BDNF: variants seen among roughly 807,000 people sequenced by gnomAD.
The protein encoded by BDNF is neurotrophic factor BDNF precursor form.
BDNF carries 1 observed loss-of-function variant against 19.5 expected under a neutral mutation model. The observed-to-expected ratio is 0.05, with a 90% confidence interval of 0.02 to 0.24. BDNF has a LOEUF of 0.24. BDNF is among the 10% of genes least tolerant of loss of function. The probability of loss-of-function intolerance (pLI) is 1.00; values close to 1 mark genes in which losing one functional copy is unlikely to be tolerated. For missense variants in BDNF, 195 were observed against 317.6 expected (o/e 0.61, Z 2.93); for synonymous variants, 100 against 121.6 (o/e 0.82, Z 1.17).
chr11:27,682,653 G>A (rs1856990632), intron 1 of BDNF, among the ~76,000 whole-genome samples: 1 of 152,068 alleles, frequency 6.6e-6, no homozygotes, highest in Non-Finnish European at 1.5e-5. Flanking sequence ...GTGAGAACAT[G>A]TGGTGTTTGG....
At chr11:27,720,311 T>C (rs1025219273) in intron 1 of BDNF, 3 of 985,068 alleles carry the variant, frequency 3.0e-6, no homozygotes, top group Non-Finnish European at 3.6e-6. Context: ...AGCTCAAGAA[T>C]TGGGGATGCA....
At chr11:27,699,465 T>C (rs1859632593) in intron 1 of BDNF, 1 of 1,613,922 alleles carries the variant, frequency 6.2e-7, no homozygotes, top group South Asian at 1.1e-5. Context: ...TCCCCGAAAG[T>C]CAAAACTCTT....
At chr11:27,662,573 G>T (rs1340152737) in intron 1 of BDNF, among the ~76,000 whole-genome samples, 1 of 152,186 alleles carries the variant, frequency 6.6e-6, no homozygotes, top group African/African-American at 2.4e-5. Context: ...CGGTCTGGGA[G>T]TAGCAGGGTG....
Position 27,658,028 on chromosome 11 carries a change from T to C in BDNF, c.537A>G (p.Gln179=), listed in dbSNP as rs943042675. Residue 179 remains glutamine (Q), a synonymous_variant, in exon 2 of 2, where the codon CAA becomes CAG. Coordinates refer to ENST00000356660, the MANE Select transcript of BDNF (RefSeq NM_001709.5). The surrounding 1 kb of genome is among the most constrained non-coding windows in gnomAD (Gnocchi z 5.7). The stretch of plus-strand genomic sequence containing the variant: ...GATTGCACTTGGTCTCGTAGAAGTA[T>C]TGCTTCAGTTGGCCTTTTGATACAG... ...KVPVSKGQLK[Q]YFYETKCNPM... The C allele has an allele frequency of 6.2e-7, 1 of 1,614,040 alleles. No individual in the cohort carries two copies. The highest frequency in any genetic ancestry group is 1.3e-5 in the African/African-American group (1 of 74,918).
At chr11:27,704,053 G>A (rs564786492), upstream of BDNF, among the ~76,000 whole-genome samples, 2 of 152,246 alleles carry the variant, frequency 1.3e-5, no homozygotes, top group South Asian at 4.1e-4. Flanking sequence ...TTTCCCTATT[G>A]TGGGCAAGGA....
rs898145877 is a variant in BDNF at position 27,657,186 on chromosome 11, A to T, written c.*635T>A. On this transcript the variant is annotated 3_prime_UTR_variant, in exon 2 of 2. Coordinates refer to ENST00000356660, the MANE Select transcript of BDNF (RefSeq NM_001709.5). The surrounding 1 kb of genome is among the most constrained non-coding windows in gnomAD (Gnocchi z 5.0). ...GTATCTTTTATCAGCCAGAATATAT[A>T]TTGTAGGAATTCTTTCCCCATCTCT... 1.0e-6 allele frequency: 1 copy of T among 982,546 alleles called. No individual in the cohort carries two copies. Among genetic ancestry groups the T allele is most frequent in the Admixed American group, 6.1e-5 (1 of 16,368 alleles). 60.9% of individuals were successfully genotyped at this position (982,546 alleles called of 1,614,324 possible).
At chr11:27,707,086 A>G (rs1192375300) in intron 1 of BDNF, among the ~76,000 whole-genome samples, 1 of 151,574 alleles carries the variant, frequency 6.6e-6, no homozygotes, top group African/African-American at 2.4e-5. Context: ...AATTTCTCTC[A>G]AAGGTAAGGT....
chr11:27,666,831 T>G (rs1854432746), intron 1 of BDNF, among the ~76,000 whole-genome samples: 1 of 152,128 alleles, frequency 6.6e-6, no homozygotes, highest in Non-Finnish European at 1.5e-5. Context: ...TGGAACCAAG[T>G]TGGAAAACGC....
At chr11:27,674,156 T>A in intron 1 of BDNF, 1 of 1,611,408 alleles carries the variant, frequency 6.2e-7, no homozygotes, top group African/African-American at 1.3e-5. Context: ...AGTCATGCCA[T>A]ACAGAAGCGT....
In BDNF at chr11:27,667,000, C is replaced by T. The variant is rs887885650; in HGVS notation, c.-21-8415G>A. ...ACCAAAGTTGAAATGAAGGAAAAAACATTAAGTGCAGCGAGAGAGAAAGGG... is the reference window on the plus strand; with the variant it reads ...ACCAAAGTTGAAATGAAGGAAAAAATATTAAGTGCAGCGAGAGAGAAAGGG... On this transcript the variant is annotated intron_variant, in intron 1 of 1. Transcript: ENST00000356660. 2.6e-5 allele frequency among the ~76,000 whole-genome samples: 4 copies of T among 152,224 alleles called. No homozygotes were observed. The East Asian group carries it at 7.7e-4, about 29-fold the overall frequency.
Position 27,700,361 on chromosome 11 carries a change from G to A in BDNF, c.-219C>T. The A allele has an allele frequency of 1.0e-6, 1 of 985,536 alleles. No homozygotes were observed. 61.0% of individuals were successfully genotyped at this position (985,536 alleles called of 1,614,324 possible). ...GGGCTGGCTCCTCTGTCCGGCCCGG[G>A]AGCCCGAGGCGCTACGGGGTGCGCG... On this transcript the variant is annotated 5_prime_UTR_variant, in exon 1 of 2. Transcript: ENST00000356660.
intron 1 of BDNF, among the ~76,000 whole-genome samples, chr11:27,712,604 C>T (rs910284497): frequency 6.6e-6 from 1 of 151,498 alleles, no homozygotes; most frequent in African/African-American, 2.4e-5. Flanking sequence ...CAACCTCCAC[C>T]TCCCAGATTC....
chr11:27,668,190 G>A (rs2133866289), intron 1 of BDNF, among the ~76,000 whole-genome samples: 1 of 152,258 alleles, frequency 6.6e-6, no homozygotes, highest in South Asian at 2.1e-4. Flanking sequence ...ACGAAGTGAA[G>A]GCAGAAATAA....
chr11:27,675,134 G>A (rs889600454), intron 1 of BDNF, among the ~76,000 whole-genome samples: 4 of 152,126 alleles, frequency 2.6e-5, no homozygotes, highest in African/African-American at 7.2e-5. Flanking sequence ...TAATGTGAGG[G>A]AGGTCTACTT....
At chr11:27,693,140 C>T (rs1448120491) in intron 1 of BDNF, among the ~76,000 whole-genome samples, 1 of 152,188 alleles carries the variant, frequency 6.6e-6, no homozygotes, top group African/African-American at 2.4e-5. Context: ...CAACTTATTT[C>T]ATTTCCTTGA....
intron 1 of BDNF, among the ~76,000 whole-genome samples, chr11:27,717,718 A>G (rs1181665590): frequency 6.6e-6 from 1 of 152,156 alleles, no homozygotes; most frequent in Non-Finnish European, 1.5e-5. Flanking sequence ...ACTGATTCCA[A>G]ACAGGACAAT....
chr11:27,657,386 CT>C lies in BDNF; in HGVS notation c.*434del. ...TAAAAGCAGTAAAACAGATATAGTA[CT>C]AACAAGAACGAAGATACTTACTGTC... On this transcript the variant is annotated 3_prime_UTR_variant, in exon 2 of 2. Coordinates refer to ENST00000356660, the MANE Select transcript of BDNF (RefSeq NM_001709.5). This position sits in a 1 kb window ranked among gnomAD's most constrained non-coding sequence, Gnocchi z 5.0. The C allele has an allele frequency of 6.8e-6, 7 of 1,027,398 alleles. No homozygotes were observed. Among genetic ancestry groups the C allele is most frequent in the Non-Finnish European group, 8.2e-6 (7 of 855,292 alleles). The allele number at this position is 1,027,398 out of a possible 1,614,324, so 63.6% of individuals were successfully genotyped here. A position where few individuals can be genotyped will look rare whatever the true frequency, so the allele number is the denominator to read the frequency against.
intron 1 of BDNF, among the ~76,000 whole-genome samples, chr11:27,682,408 T>TATA (rs961769612): frequency 2.1e-4 from 32 of 150,564 alleles, no homozygotes; most frequent in Non-Finnish European, 3.2e-4. Flanking sequence ...TTATTATTAT[T>TATA]ATAATAATAA....
chr11:27,705,342 G>A (rs568947273), upstream of BDNF, among the ~76,000 whole-genome samples: 4 of 152,250 alleles, frequency 2.6e-5, no homozygotes, highest in East Asian at 7.7e-4. Flanking sequence ...AGGGTTTCAG[G>A]ACATTGAATC....
Sources: gnomAD v4.1 joint callset for allele counts (sites outside exome capture counted in the v4.1 genomes callset) on GRCh38, gnomAD v4.1.1 for gene constraint, Gnocchi (gnomAD v3.1) non-coding constraint, MANE v1.5 for transcripts, NCBI Gene and HGNC (gene_info 2026-07-23, HGNC 2026-07-21) for gene names.